The following KATNBL1 variants were observed in gnomAD, a reference collection of about 807,000 sequenced individuals.
The protein encoded by KATNBL1 is KATNB1-like protein 1.
KATNBL1 carries 28 observed loss-of-function variants against 44.7 expected under a neutral mutation model. The ratio of observed to expected loss-of-function variants is 0.63; its 90% CI spans 0.46 to 0.86. The LOEUF is 0.86. Ranked by LOEUF, KATNBL1 falls within the 40% of genes least tolerant of loss-of-function variation. The pLI, the probability that KATNBL1 is intolerant of heterozygous loss-of-function variation, is 0.00. For missense variants in KATNBL1, 272 were observed against 350.7 expected (o/e 0.78, Z 1.79); for synonymous variants, 78 against 114.9 (o/e 0.68, Z 2.06).
intron 1 of KATNBL1, among the ~76,000 whole-genome samples, chr15:34,170,536 T>A (rs1029522783): frequency 3.9e-5 from 6 of 152,088 alleles, no homozygotes; most frequent in African/African-American, 1.4e-4. Context: ...AGATTCAACG[T>A]CATCCCCATC....
At chr15:34,147,514 G>T in intron 5 of KATNBL1, 84 bp from the exon 6 acceptor site, 2 of 973,954 alleles carry the variant, frequency 2.1e-6, no homozygotes, top group Non-Finnish European at 3.1e-6. Context: ...CACCGCTTTT[G>T]AGAAATTCAT....
intron 1 of KATNBL1, among the ~76,000 whole-genome samples, chr15:34,198,740 A>G (rs1890090708): frequency 6.6e-6 from 1 of 152,262 alleles, no homozygotes; most frequent in Admixed American, 6.5e-5. Context: ...TAAATGTGAC[A>G]TTCCTTTTTT....
rs145108520 is a variant in KATNBL1, at chr15:34,176,250, C to T, written c.-14-12560G>A. On this transcript the variant is annotated intron_variant, in intron 1 of 9. Coordinates refer to ENST00000256544, the MANE Select transcript of KATNBL1 (RefSeq NM_024713.3). ...AAAATAAGCTGGGCGTGGTGGCAGG[C>T]GCCTGTAATCCTAGCTACTTGGGAG... Among the ~76,000 whole-genome samples the T allele has an allele frequency of 3.7e-4, 56 of 151,720 alleles. 1 individual carries two copies. The South Asian group carries it at 4.4e-3, about 12-fold the overall frequency.
At chr15:34,197,423 ATGTC>A (rs1233638015) in intron 1 of KATNBL1, among the ~76,000 whole-genome samples, 8 of 152,246 alleles carry the variant, frequency 5.3e-5, no homozygotes. Flanking sequence ...ACTTACCACA[ATGTC>A]TGTAAATCAC....
intron 9 of KATNBL1, among the ~76,000 whole-genome samples, chr15:34,143,933 C>G (rs1888230653): frequency 1.5e-5 from 2 of 135,106 alleles, no homozygotes; most frequent in Non-Finnish European, 3.1e-5. Context: ...CGCCACCACA[C>G]TCCAGCCTGG....
intron 1 of KATNBL1, among the ~76,000 whole-genome samples, chr15:34,202,640 G>T (rs1200052262): frequency 6.6e-6 from 1 of 152,092 alleles, no homozygotes; most frequent in African/African-American, 2.4e-5. Context: ...AAGAAAATAT[G>T]ACTCCTGTGT....
chr15:34,193,216 CAAA>C (rs34216208), intron 1 of KATNBL1, among the ~76,000 whole-genome samples: 1 of 66,364 alleles, frequency 1.5e-5, no homozygotes, highest in African/African-American at 8.2e-5. Flanking sequence ...GACTCCGTCT[CAAA>C]AAAAAAAAAA....
At chr15:34,152,272 C>T (rs936653565) in intron 4 of KATNBL1, among the ~76,000 whole-genome samples, 1 of 152,042 alleles carries the variant, frequency 6.6e-6, no homozygotes, top group African/African-American at 2.4e-5. Context: ...GTGATCTCAA[C>T]TCACTGCAAC....
chr15:34,208,553 T>C (rs971322367), intron 1 of KATNBL1: 2 of 152,240 alleles, frequency 1.3e-5, no homozygotes, highest in African/African-American at 2.4e-5. Flanking sequence ...TAATTTTTTA[T>C]TTTAAAGTAA....
chr15:34,186,537 G>A (rs1349730569), intron 1 of KATNBL1, among the ~76,000 whole-genome samples: 1 of 152,196 alleles, frequency 6.6e-6, no homozygotes, highest in Non-Finnish European at 1.5e-5. Context: ...CAGGCAGGAG[G>A]TGGGGACAGG....
At chr15:34,175,972 A>G (rs374950677) in intron 1 of KATNBL1, among the ~76,000 whole-genome samples, 13 of 152,336 alleles carry the variant, frequency 8.5e-5, no homozygotes, top group South Asian at 6.2e-4. Flanking sequence ...CAAATGTTAT[A>G]ACCTTATTCA....
At chr15:34,143,802 A>T (rs1888224483) in intron 9 of KATNBL1, among the ~76,000 whole-genome samples, 1 of 147,890 alleles carries the variant, frequency 6.8e-6, no homozygotes, top group Non-Finnish European at 1.5e-5. Context: ...ACAAAAAAAA[A>T]AAAAAAAAAA....
Position 34,154,642 on chromosome 15 carries a change from A to G in KATNBL1, c.158+2T>C. The stretch of plus-strand genomic sequence containing the variant: ...CCCCACAAACTTTAAAGAAACTCTT[A>G]CCTATTTATGTAAGCAGCCAACTGT... On this transcript the variant is annotated splice_donor_variant, in intron 3 of 9. Transcript: ENST00000256544. LOFTEE classifies it high-confidence loss of function. 1 of 1,566,616 alleles carries G rather than the reference A, an allele frequency of 6.4e-7. No homozygotes were observed. The highest frequency in any genetic ancestry group is 8.8e-7 in the Non-Finnish European group (1 of 1,136,912).
At position 34,163,532 on chromosome 15, in the gene KATNBL1, A is replaced by G. The variant is rs899614802; in HGVS notation, c.117+28T>C. ...GAGACCTAACCGTTTAAATTGTCTT[A>G]TCTGTTTTCTAGAAACCATAGACTT... On this transcript the variant is annotated intron_variant, in intron 2 of 9. Coordinates refer to ENST00000256544, the MANE Select transcript of KATNBL1 (RefSeq NM_024713.3). 3.2e-6 allele frequency: 5 copies of G among 1,576,100 alleles called. No homozygotes were observed. In the African/African-American group the frequency reaches 6.9e-5, roughly 22 times the overall value.
chr15:34,160,211 T>G (rs1366744496), intron 2 of KATNBL1, among the ~76,000 whole-genome samples: 2 of 152,232 alleles, frequency 1.3e-5, no homozygotes, highest in African/African-American at 4.8e-5. Context: ...CTGGCTTTAC[T>G]CTTTTGTACC....
intron 1 of KATNBL1, among the ~76,000 whole-genome samples, chr15:34,196,599 G>T (rs1021223137): frequency 7.3e-5 from 11 of 150,932 alleles, no homozygotes; most frequent in African/African-American, 2.4e-4. Flanking sequence ...GTGGCGGCAG[G>T]CACCTGTAAT....
At chr15:34,147,351 ATTT>A (rs749063148) in intron 6 of KATNBL1, 26 bp downstream of exon 6, 1 of 1,604,370 alleles carries the variant, frequency 6.2e-7, no homozygotes, top group Admixed American at 1.7e-5. Flanking sequence ...CTTTAATCTT[ATTT>A]TTTTTCTGAA....
chr15:34,190,196 G>A (rs188826342), intron 1 of KATNBL1, among the ~76,000 whole-genome samples: 113 of 152,144 alleles, frequency 7.4e-4, no homozygotes, highest in African/African-American at 2.6e-3. Flanking sequence ...CCCCAGCCTC[G>A]GCCTCCCAAA....
intron 2 of KATNBL1, among the ~76,000 whole-genome samples, chr15:34,156,531 A>G (rs968318625): frequency 6.6e-6 from 1 of 152,214 alleles, no homozygotes; most frequent in Non-Finnish European, 1.5e-5. Flanking sequence ...TCCCGTCTCA[A>G]TTGCTAAAGT....
Sources: allele counts gnomAD v4.1 joint callset (sites outside exome capture counted in the v4.1 genomes callset), GRCh38; gene constraint gnomAD v4.1.1; transcripts MANE v1.5; gene names NCBI Gene and HGNC (gene_info 2026-07-23, HGNC 2026-07-21).